REDIC1: variants seen among roughly 807,000 people sequenced by gnomAD.
REDIC1 encodes the protein regulator of DNA class I crossover intermediates 1, also known as HEI10 Interacting Protein 1.
chr12:39,715,282 C>G, the REDIC1 span, among the ~76,000 whole-genome samples: 1 of 151,894 alleles, frequency 6.6e-6, no homozygotes, highest in Non-Finnish European at 1.5e-5. Flanking sequence ...CTGTATGTGG[C>G]TAGCTAATTA....
At chr12:39,633,218 TC>T in the REDIC1 span, among the ~76,000 whole-genome samples, 1 of 152,136 alleles carries the variant, frequency 6.6e-6, no homozygotes, top group South Asian at 2.1e-4. Context: ...CAAGACTATA[TC>T]CTTAGTCTAA....
At chr12:39,774,600 T>G in the REDIC1 span, among the ~76,000 whole-genome samples, 1 of 129,686 alleles carries the variant, frequency 7.7e-6, no homozygotes, top group Non-Finnish European at 1.7e-5. Context: ...TTTTTTTTTT[T>G]GGTTTTGTAA....
At chr12:39,866,637 G>A in the REDIC1 span, among the ~76,000 whole-genome samples, 1 of 151,970 alleles carries the variant, frequency 6.6e-6, no homozygotes, top group African/African-American at 2.4e-5. Flanking sequence ...CCGCCACCTC[G>A]CCCGGCTAAT....
At chr12:39,635,801 GT>G in the REDIC1 span, among the ~76,000 whole-genome samples, 1 of 151,706 alleles carries the variant, frequency 6.6e-6, no homozygotes, top group Admixed American at 6.6e-5. Flanking sequence ...AAAAAAAGAA[GT>G]TTGTTTTAGG....
At chr12:39,892,358 C>T in the REDIC1 span, among the ~76,000 whole-genome samples, 5 of 152,124 alleles carry the variant, frequency 3.3e-5, no homozygotes, top group Admixed American at 2.6e-4. Flanking sequence ...TTATTTCTCC[C>T]CAGGGAGATT....
At chr12:39,727,350 G>C in the REDIC1 span, among the ~76,000 whole-genome samples, 1 of 152,082 alleles carries the variant, frequency 6.6e-6, no homozygotes, top group Non-Finnish European at 1.5e-5. Context: ...AAGGGGTCCA[G>C]TTTCAGTTTT....
chr12:39,709,709 G>C, the REDIC1 span, among the ~76,000 whole-genome samples: 1 of 151,570 alleles, frequency 6.6e-6, no homozygotes, highest in African/African-American at 2.4e-5. Context: ...TCAATTGTAC[G>C]TGTATGCCAT....
the REDIC1 span, chr12:39,682,918 G>A: frequency 6.2e-7 from 1 of 1,612,958 alleles, no homozygotes; most frequent in Non-Finnish European, 8.5e-7. Flanking sequence ...AGATACTTGT[G>A]TAGTCACTAG....
the REDIC1 span, among the ~76,000 whole-genome samples, chr12:39,885,016 T>C: frequency 2.0e-5 from 3 of 152,222 alleles, no homozygotes; most frequent in Admixed American, 1.3e-4. Context: ...ACAGGTATTA[T>C]AGCCAGGAAG....
At chr12:39,707,643 G>C in the REDIC1 span, among the ~76,000 whole-genome samples, 1 of 151,818 alleles carries the variant, frequency 6.6e-6, no homozygotes, top group Non-Finnish European at 1.5e-5. Context: ...TAAACAAAAT[G>C]TGTTAATTAA....
chr12:39,689,987 G>T, the REDIC1 span, among the ~76,000 whole-genome samples: 1 of 152,174 alleles, frequency 6.6e-6, no homozygotes, highest in Non-Finnish European at 1.5e-5. Flanking sequence ...GGAGTTCCTT[G>T]GGTAGAGCAG....
At chr12:39,734,823 G>T in the REDIC1 span, among the ~76,000 whole-genome samples, 1 of 152,146 alleles carries the variant, frequency 6.6e-6, no homozygotes, top group Non-Finnish European at 1.5e-5. Flanking sequence ...TTGGTTGCTT[G>T]CATTTCCATA....
chr12:39,855,669 CA>C, the REDIC1 span, among the ~76,000 whole-genome samples: 1 of 152,166 alleles, frequency 6.6e-6, no homozygotes, highest in Non-Finnish European at 1.5e-5. Context: ...TACAAATGTG[CA>C]TAAATGTTTT....
chr12:39,841,707 T>C, the REDIC1 span, among the ~76,000 whole-genome samples: 1 of 152,034 alleles, frequency 6.6e-6, no homozygotes, highest in African/African-American at 2.4e-5. Flanking sequence ...ACAAATATAA[T>C]CTAATTAGTG....
chr12:39,862,035 A>G, the REDIC1 span, among the ~76,000 whole-genome samples: 1 of 152,018 alleles, frequency 6.6e-6, no homozygotes, highest in East Asian at 1.9e-4. Context: ...TTCCCCCACC[A>G]CTGCCCCCTA....
At chr12:39,892,938 T>C in the REDIC1 span, among the ~76,000 whole-genome samples, 1 of 152,196 alleles carries the variant, frequency 6.6e-6, no homozygotes, top group Non-Finnish European at 1.5e-5. Context: ...AATCCTGATG[T>C]TTATATTAAT....
chr12:39,785,059 G>A, the REDIC1 span, among the ~76,000 whole-genome samples: 1 of 152,166 alleles, frequency 6.6e-6, no homozygotes, highest in South Asian at 2.1e-4. Flanking sequence ...CCATTTTCTG[G>A]GGAGAAATTC....
At chr12:39,837,289 G>A in the REDIC1 span, among the ~76,000 whole-genome samples, 1 of 149,290 alleles carries the variant, frequency 6.7e-6, no homozygotes, top group Non-Finnish European at 1.5e-5. Flanking sequence ...CTAGCCATAT[G>A]TAGGAAGCTG....
the REDIC1 span, chr12:39,646,859 A>C: frequency 6.3e-7 from 1 of 1,598,896 alleles, no homozygotes; most frequent in Non-Finnish European, 8.5e-7. Context: ...TCAAAGACTA[A>C]GTAGCAAGGA....
Sources: allele counts gnomAD v4.1 joint callset (sites outside exome capture counted in the v4.1 genomes callset), GRCh38; gene constraint gnomAD v4.1.1; transcripts MANE v1.5; gene names NCBI Gene and HGNC (gene_info 2026-07-23, HGNC 2026-07-21).